SCAMP1: variants seen among roughly 807,000 people sequenced by gnomAD.
SCAMP1 encodes the protein secretory carrier membrane protein 1.
A neutral mutation model predicts 41.8 loss-of-function variants in SCAMP1; 15 were observed. That is an observed-to-expected ratio of 0.36 (90% CI 0.24 to 0.55). The LOEUF (loss-of-function observed/expected upper bound fraction) is 0.55, where lower values mean the gene tolerates loss of function less well. Among genes scored for constraint, SCAMP1 ranks in the 20% least tolerant of loss-of-function variants. The probability of loss-of-function intolerance (pLI) is 0.86; values close to 1 mark genes in which losing one functional copy is unlikely to be tolerated. For missense variants in SCAMP1, 341 were observed against 412.6 expected (o/e 0.83, Z 1.50); for synonymous variants, 135 against 136.8 (o/e 0.99, Z 0.09).
At chr5:78,454,491 AT>A (rs1221155286) in intron 7 of SCAMP1, among the ~76,000 whole-genome samples, 2 of 151,310 alleles carry the variant, frequency 1.3e-5, no homozygotes, top group African/African-American at 4.8e-5. Flanking sequence ...ACATTTATTG[AT>A]TTGCATATAT....
At chr5:78,365,888 G>T (rs1344567906) in intron 1 of SCAMP1, among the ~76,000 whole-genome samples, 8 of 152,130 alleles carry the variant, frequency 5.3e-5, no homozygotes, top group African/African-American at 1.9e-4. Context: ...ATTTAAAATT[G>T]AAAATGACCC....
Position 78,479,886 on chromosome 5 carries a change from C to CAA in SCAMP1, c.*4227_*4228dup, listed in dbSNP as rs372998936. ...TGAAACCCCATCTCTACTAAAAATA[C>CAA]AAAAAAAAAATTAGCTGAGCATGGT... is the stretch of plus-strand genomic sequence containing the variant. On this transcript the variant is annotated 3_prime_UTR_variant, in exon 9 of 9. Coordinates refer to ENST00000621999, the MANE Select transcript of SCAMP1 (RefSeq NM_004866.6). Among the ~76,000 whole-genome samples the CAA allele has an allele frequency of 6.7e-6, 1 of 148,232 alleles. No homozygotes were observed. The highest frequency in any genetic ancestry group is 2.5e-5 in the African/African-American group (1 of 40,506).
At chr5:78,460,755 T>C (rs1483182746) in intron 8 of SCAMP1, among the ~76,000 whole-genome samples, 2 of 24,282 alleles carry the variant, frequency 8.2e-5, no homozygotes, top group African/African-American at 4.9e-4. Flanking sequence ...CTTCCTTCCT[T>C]CCTTCCTTCC....
rs1754006839 is a variant in SCAMP1, at chr5:78,476,409, A to G, written c.*741A>G. 1.3e-5 allele frequency: 2 copies of G among 152,580 alleles called. No homozygotes were observed. The highest frequency in any genetic ancestry group is 2.4e-5 in the African/African-American group (1 of 41,458). The allele number at this position is 152,580 out of a possible 1,614,324, so 9.5% of individuals were successfully genotyped here. A position where few individuals can be genotyped will look rare whatever the true frequency, so the allele number is the denominator to read the frequency against. The stretch of plus-strand genomic sequence containing the variant: ...AAAAGTTTGGGGGTGCAATATAAGA[A>G]GTTTATATAATATGCAGTACATTAT... On this transcript the variant is annotated 3_prime_UTR_variant, in exon 9 of 9. Transcript: ENST00000621999.
At chr5:78,371,231 G>A (rs560253158) in intron 1 of SCAMP1, among the ~76,000 whole-genome samples, 1 of 152,220 alleles carries the variant, frequency 6.6e-6, no homozygotes, top group Non-Finnish European at 1.5e-5. Flanking sequence ...AGAATCCTTT[G>A]CCAAATCTGA....
chr5:78,429,903 G>T (rs1041250899), intron 6 of SCAMP1, among the ~76,000 whole-genome samples: 9 of 151,670 alleles, frequency 5.9e-5, no homozygotes, highest in African/African-American at 2.2e-4. Context: ...TAAAGCTTCA[G>T]CTTTTCTAAA....
chr5:78,380,630 T>C (rs1580649206), intron 1 of SCAMP1, among the ~76,000 whole-genome samples: 1 of 152,360 alleles, frequency 6.6e-6, no homozygotes, highest in South Asian at 2.1e-4. Flanking sequence ...CTACTGCTGC[T>C]ATTATCTTGA....
At chr5:78,394,167 G>C (rs1445643261) in intron 2 of SCAMP1, among the ~76,000 whole-genome samples, 1 of 152,104 alleles carries the variant, frequency 6.6e-6, no homozygotes, top group Non-Finnish European at 1.5e-5. Flanking sequence ...GGTCATCTCT[G>C]ACCATAAAGG....
In SCAMP1 at chr5:78,463,907, A is replaced by G. The variant is rs1179284267; in HGVS notation, c.852+4545A>G. On this transcript the variant is annotated intron_variant, in intron 8 of 8. Transcript: ENST00000621999. ...AGAAACACTTATTGAATACCTACTAATGAGATGGCACTAAGCACTTTATGT... is the reference window on the plus strand; with the variant it reads ...AGAAACACTTATTGAATACCTACTAGTGAGATGGCACTAAGCACTTTATGT... Among the ~76,000 whole-genome samples, 3 of 152,064 alleles carry G rather than the reference A, an allele frequency of 2.0e-5. No homozygotes were observed. In the East Asian group the frequency reaches 5.8e-4, roughly 29 times the overall value.
intron 5 of SCAMP1, among the ~76,000 whole-genome samples, chr5:78,420,438 G>A (rs941234870): frequency 1.3e-5 from 2 of 151,896 alleles, no homozygotes; most frequent in Admixed American, 6.6e-5. Context: ...CTTCAATTCT[G>A]TTTTTAAGAT....
At chr5:78,393,531 CAA>C (rs1308968946) in intron 2 of SCAMP1, among the ~76,000 whole-genome samples, 4 of 152,170 alleles carry the variant, frequency 2.6e-5, no homozygotes, top group Non-Finnish European at 5.9e-5. Context: ...GGAGTTGTAA[CAA>C]GACACTTTAT....
intron 7 of SCAMP1, among the ~76,000 whole-genome samples, chr5:78,455,172 T>C (rs977069399): frequency 6.0e-5 from 9 of 150,922 alleles, no homozygotes; most frequent in Non-Finnish European, 1.3e-4. Flanking sequence ...GTTTTTTGTG[T>C]CTCTATTTCC....
intron 8 of SCAMP1, among the ~76,000 whole-genome samples, chr5:78,470,603 G>A (rs7713163): frequency 0.022 from 3,351 of 152,182 alleles, 110 homozygotes; most frequent in African/African-American, 0.07. Flanking sequence ...ATTGTGAATA[G>A]TGCTGCCGTG....
At chr5:78,450,140 T>C in intron 7 of SCAMP1, 106 bp downstream of exon 7, 1 of 643,086 alleles carries the variant, frequency 1.6e-6, no homozygotes, top group East Asian at 3.0e-5. Flanking sequence ...AAAAATTAAA[T>C]AAAAAGCAAA....
At chr5:78,421,722 TATTTACA>T in intron 5 of SCAMP1, 72 bp from the exon 6 acceptor site, 1 of 1,279,848 alleles carries the variant, frequency 7.8e-7, no homozygotes, top group Non-Finnish European at 1.1e-6. Context: ...AGTATTTTTT[TATTTACA>T]ATTTTTTGTT....
At chr5:78,416,692 C>A in intron 4 of SCAMP1, 43 bp downstream of exon 4, 1 of 1,413,020 alleles carries the variant, frequency 7.1e-7, no homozygotes, top group Non-Finnish European at 9.7e-7. Context: ...CTTTTAAATA[C>A]TTTACATTAT....
chr5:78,388,948 G>T, intron 2 of SCAMP1, 34 bp downstream of exon 2: 1 of 1,078,364 alleles, frequency 9.3e-7, no homozygotes, highest in South Asian at 1.5e-5. Context: ...TGTTTAAATT[G>T]AAATTCAGTA....
chr5:78,441,865 C>T (rs1752932170), intron 6 of SCAMP1, among the ~76,000 whole-genome samples: 1 of 152,154 alleles, frequency 6.6e-6, no homozygotes, highest in Non-Finnish European at 1.5e-5. Context: ...TGTGGTGGCT[C>T]ATGTGTATAA....
intron 6 of SCAMP1, among the ~76,000 whole-genome samples, chr5:78,434,424 G>A (rs761430828): frequency 2.0e-5 from 3 of 151,938 alleles, no homozygotes; most frequent in African/African-American, 4.8e-5. Flanking sequence ...ACTTTTCTAC[G>A]TCCTAAGCTG....
Sources: gnomAD v4.1 joint callset for allele counts (sites outside exome capture counted in the v4.1 genomes callset) on GRCh38, gnomAD v4.1.1 for gene constraint, MANE v1.5 for transcripts, NCBI Gene and HGNC (gene_info 2026-07-23, HGNC 2026-07-21) for gene names.